The following MEI4 variants were observed in gnomAD, a reference collection of about 807,000 sequenced individuals.
The protein encoded by MEI4 is meiotic double-stranded break formation protein 4.
Under a neutral mutation model 31.4 loss-of-function variants are expected in MEI4, and 27 were observed. That is an observed-to-expected ratio of 0.86 (90% CI 0.63 to 1.19). MEI4 has a LOEUF of 1.19. Among genes scored for constraint, MEI4 ranks in the 50% most tolerant of loss-of-function variants. MEI4 has a pLI of 0.00. For synonymous variants in MEI4, 122 were observed against 145.4 expected, an observed-to-expected ratio of 0.84 and a Z score of 1.16; for missense variants, 329 against 398.9, an observed-to-expected ratio of 0.82 and a Z score of 1.49.
chr6:77,906,360 A>G (rs1436753053), intron 4 of MEI4, among the ~76,000 whole-genome samples: 2 of 152,136 alleles, frequency 1.3e-5, no homozygotes. Context: ...GGGTGTGTAC[A>G]GCGGTGCTTG....
chr6:77,831,007 A>T (rs1582192760), intron 4 of MEI4, among the ~76,000 whole-genome samples: 1 of 152,178 alleles, frequency 6.6e-6, no homozygotes, highest in East Asian at 1.9e-4. Flanking sequence ...TAGCTATCTG[A>T]CAAAGGATTA....
intron 4 of MEI4, among the ~76,000 whole-genome samples, chr6:77,836,554 A>C (rs575040006): frequency 6.6e-6 from 1 of 152,290 alleles, no homozygotes; most frequent in South Asian, 2.1e-4. Context: ...ATTAATAAAA[A>C]TAGAACATGC....
At chr6:77,886,329 G>A (rs972686326) in intron 4 of MEI4, among the ~76,000 whole-genome samples, 3 of 152,026 alleles carry the variant, frequency 2.0e-5, no homozygotes, top group African/African-American at 7.2e-5. Context: ...ATTCAATCTT[G>A]TTATTCATTA....
At chr6:77,817,090 C>T (rs1258789281) in intron 3 of MEI4, among the ~76,000 whole-genome samples, 5 of 151,758 alleles carry the variant, frequency 3.3e-5, no homozygotes, top group African/African-American at 9.7e-5. Context: ...CAGCATTTTA[C>T]CTGTAGCTCA....
Position 77,831,921 on chromosome 6 carries a change from G to A in MEI4, c.900+2859G>A, listed in dbSNP as rs988186392. Among the ~76,000 whole-genome samples the A allele has an allele frequency of 3.9e-5, 6 of 151,962 alleles. No individual in the cohort carries two copies. In the South Asian group the frequency reaches 1.2e-3, roughly 32 times the overall value. ...TCAAAATAGCTAGAAGTGAAGAATT[G>A]TAATGTTTCCAACATAAAGAAAAGA... On this transcript the variant is annotated intron_variant, in intron 4 of 4. Coordinates refer to ENST00000684080, the MANE Select transcript of MEI4 (RefSeq NM_001322247.2).
chr6:77,734,083 G>C (rs1767101933), intron 2 of MEI4, among the ~76,000 whole-genome samples: 1 of 151,968 alleles, frequency 6.6e-6, no homozygotes, highest in African/African-American at 2.4e-5. Flanking sequence ...GTGGTGTGGT[G>C]CTGAAAAAAA....
intron 4 of MEI4, among the ~76,000 whole-genome samples, chr6:77,880,220 GGTTTTTTTTGTTT>G (rs1188843000): frequency 1.4e-5 from 2 of 146,278 alleles, no homozygotes. Flanking sequence ...ATTATTGTGG[GGTTTTTTTTGTTT>G]GTTTTTTTTT....
chr6:77,729,270 C>G (rs1261916270), intron 2 of MEI4, among the ~76,000 whole-genome samples: 1 of 152,136 alleles, frequency 6.6e-6, no homozygotes, highest in Non-Finnish European at 1.5e-5. Context: ...GAACTCTAAG[C>G]ATGTGGGAGT....
intron 3 of MEI4, among the ~76,000 whole-genome samples, chr6:77,777,191 A>T (rs1768471407): frequency 6.6e-6 from 1 of 152,180 alleles, no homozygotes; most frequent in Non-Finnish European, 1.5e-5. Context: ...ACAGTAAAAA[A>T]CTATTGGAAG....
intron 2 of MEI4, among the ~76,000 whole-genome samples, chr6:77,745,603 C>T (rs1452233256): frequency 6.6e-6 from 1 of 152,128 alleles, no homozygotes; most frequent in Non-Finnish European, 1.5e-5. Flanking sequence ...TTGAACTCAG[C>T]TCTGCACCAA....
At chr6:77,667,434 A>T (rs998302497) in intron 1 of MEI4, among the ~76,000 whole-genome samples, 1 of 152,070 alleles carries the variant, frequency 6.6e-6, no homozygotes, top group African/African-American at 2.4e-5. Context: ...ACTTCATGAA[A>T]CTTTCTGTGA....
chr6:77,698,820 G>C (rs1381093586), intron 2 of MEI4, among the ~76,000 whole-genome samples: 1 of 152,244 alleles, frequency 6.6e-6, no homozygotes, highest in African/African-American at 2.4e-5. Context: ...GGCCTGCCTT[G>C]CTAGATTGGG....
intron 1 of MEI4, among the ~76,000 whole-genome samples, chr6:77,659,656 T>A (rs1422796085): frequency 6.6e-6 from 1 of 151,990 alleles, no homozygotes; most frequent in Non-Finnish European, 1.5e-5. Context: ...TAGCCAAGGA[T>A]GGAGTGAAAT....
At position 77,868,516 on chromosome 6, in the gene MEI4, T is replaced by TATATATATATATAC. The variant is rs375883143; in HGVS notation, c.900+39466_900+39467insACATATATATATAT. On this transcript the variant is annotated intron_variant, in intron 4 of 4. Transcript: ENST00000684080. ...AAAAAATACTACATATATATATATA[T>TATATATATATATAC]ATATATATATATGCAGATTTCAAGT... 2.3e-4 allele frequency among the ~76,000 whole-genome samples: 31 copies of TATATATATATATAC among 133,786 alleles called. 2 individuals are homozygous for TATATATATATATAC. The highest frequency in any genetic ancestry group is 6.5e-4 in the African/African-American group (23 of 35,644). The allele number at this position is 133,786 out of a possible 152,430, so 87.8% of individuals were successfully genotyped here.
intron 2 of MEI4, among the ~76,000 whole-genome samples, chr6:77,741,032 T>C (rs748578988): frequency 4.6e-5 from 7 of 152,060 alleles, no homozygotes; most frequent in Non-Finnish European, 1.0e-4. Flanking sequence ...ACTTTTTTTG[T>C]CTGGAGAGAG....
chr6:77,684,149 CTGTT>C (rs1307304274), intron 1 of MEI4, among the ~76,000 whole-genome samples: 2 of 151,896 alleles, frequency 1.3e-5, no homozygotes, highest in Non-Finnish European at 2.9e-5. Context: ...AAAAGTACAC[CTGTT>C]TGTTATTCAT....
chr6:77,920,662 T>C (rs147063996), intron 4 of MEI4, among the ~76,000 whole-genome samples: 2 of 152,068 alleles, frequency 1.3e-5, no homozygotes, highest in Non-Finnish European at 2.9e-5. Flanking sequence ...ATGTTAGCTA[T>C]AGCCTTATAA....
chr6:77,728,027 G>A (rs1766870807), intron 2 of MEI4, among the ~76,000 whole-genome samples: 1 of 152,222 alleles, frequency 6.6e-6, no homozygotes, highest in Non-Finnish European at 1.5e-5. Flanking sequence ...TACCTAGTAA[G>A]ACGAATGTGG....
intron 4 of MEI4, among the ~76,000 whole-genome samples, chr6:77,862,611 A>C (rs1046900002): frequency 6.6e-6 from 1 of 152,200 alleles, no homozygotes; most frequent in African/African-American, 2.4e-5. Flanking sequence ...CCATAACTCA[A>C]GGAGGCCTGC....
Sources: gnomAD v4.1 joint callset for allele counts (sites outside exome capture counted in the v4.1 genomes callset) on GRCh38, gnomAD v4.1.1 for gene constraint, MANE v1.5 for transcripts, NCBI Gene and HGNC (gene_info 2026-07-23, HGNC 2026-07-21) for gene names.